Variants in TRIQK observed in about 807,000 individuals in gnomAD.
TRIQK encodes the protein triple QxxK/R motif containing.
In TRIQK, 10 loss-of-function variants were observed where a neutral mutation model predicts 10.8. The observed-to-expected ratio is 0.92, with a 90% CI of 0.57 to 1.57. The LOEUF is 1.57. Among genes scored for constraint, TRIQK ranks in the 40% most tolerant of loss-of-function variants. The pLI, the probability that TRIQK is intolerant of heterozygous loss-of-function variation, is 0.00. For missense variants in TRIQK, 107 were observed against 97.7 expected, an observed-to-expected ratio of 1.09 and a Z score of -0.40; for synonymous variants, 33 against 33.7, an observed-to-expected ratio of 0.98 and a Z score of 0.07.
At chr8:92,937,500 G>A (rs1811050969) in intron 2 of TRIQK, among the ~76,000 whole-genome samples, 1 of 150,992 alleles carries the variant, frequency 6.6e-6, no homozygotes. Flanking sequence ...TTTATTTAAT[G>A]TAATTAAATA....
At chr8:92,976,821 A>T (rs566765769) in intron 1 of TRIQK, among the ~76,000 whole-genome samples, 1 of 152,052 alleles carries the variant, frequency 6.6e-6, no homozygotes, top group Non-Finnish European at 1.5e-5. Flanking sequence ...TGTGGCTTAT[A>T]ATATAGCTGT....
chr8:92,989,556 C>T (rs1396305876), intron 1 of TRIQK, among the ~76,000 whole-genome samples: 1 of 152,158 alleles, frequency 6.6e-6, no homozygotes, highest in Non-Finnish European at 1.5e-5. Flanking sequence ...AATCTAATAC[C>T]TGATGATCCG....
intron 2 of TRIQK, among the ~76,000 whole-genome samples, chr8:92,939,662 G>A (rs1295492605): frequency 6.6e-6 from 1 of 152,100 alleles, no homozygotes; most frequent in Non-Finnish European, 1.5e-5. Flanking sequence ...CAAGCAGTGT[G>A]GCTCAACACA....
intron 3 of TRIQK, among the ~76,000 whole-genome samples, chr8:92,898,067 T>C (rs752312793): frequency 6.6e-4 from 100 of 152,160 alleles, no homozygotes; most frequent in Non-Finnish European, 1.3e-3. Context: ...TTTTATTCTT[T>C]GGTCAGTCTC....
intron 4 of TRIQK, among the ~76,000 whole-genome samples, chr8:92,887,855 A>G (rs1355848858): frequency 6.6e-6 from 1 of 151,724 alleles, no homozygotes; most frequent in Non-Finnish European, 1.5e-5. Context: ...TCATAATTAC[A>G]TTTATTTAGA....
chr8:92,903,673 G>T (rs1044385597), intron 3 of TRIQK, among the ~76,000 whole-genome samples: 4 of 152,054 alleles, frequency 2.6e-5, no homozygotes, highest in African/African-American at 9.6e-5. Flanking sequence ...TCCTGAAATT[G>T]CTAGATCTAT....
intron 2 of TRIQK, among the ~76,000 whole-genome samples, chr8:92,935,312 A>C (rs1301051576): frequency 6.6e-6 from 1 of 151,850 alleles, no homozygotes; most frequent in Non-Finnish European, 1.5e-5. Flanking sequence ...ACAAATATTA[A>C]AACACTTCAA....
chr8:92,989,911 T>C (rs1394876257), intron 1 of TRIQK, among the ~76,000 whole-genome samples: 2 of 151,044 alleles, frequency 1.3e-5, no homozygotes, highest in Non-Finnish European at 3.0e-5. Context: ...CTCATTTGTT[T>C]AAAAAAAAAT....
chr8:92,910,364 G>GA (rs1009241065), intron 3 of TRIQK, among the ~76,000 whole-genome samples: 1 of 146,314 alleles, frequency 6.8e-6, no homozygotes, highest in Non-Finnish European at 1.5e-5. Context: ...GAAAAGAAAA[G>GA]AAAAAAAAGG....
chr8:92,888,762 T>C (rs1171877452), intron 4 of TRIQK, among the ~76,000 whole-genome samples: 2 of 151,606 alleles, frequency 1.3e-5, no homozygotes, highest in African/African-American at 4.8e-5. Flanking sequence ...AGGATCTGGT[T>C]GGCACTTGAA....
At chr8:92,949,380 C>G (rs976012208) in intron 2 of TRIQK, among the ~76,000 whole-genome samples, 3 of 151,972 alleles carry the variant, frequency 2.0e-5, no homozygotes, top group African/African-American at 2.4e-5. Context: ...TCTCACATGG[C>G]TATGTTGTAA....
At chr8:92,967,022 A>T (rs932534242), upstream of TRIQK, among the ~76,000 whole-genome samples, 4 of 150,796 alleles carry the variant, frequency 2.7e-5, no homozygotes, top group Non-Finnish European at 4.4e-5. Context: ...GTATAAATAG[A>T]CTAACCAGAA....
chr8:92,920,566 A>T (rs1586426509), intron 2 of TRIQK, among the ~76,000 whole-genome samples: 1 of 151,674 alleles, frequency 6.6e-6, no homozygotes, highest in East Asian at 1.9e-4. Flanking sequence ...GACAAAGAGC[A>T]GATTAGGGGT....
In TRIQK at chr8:92,883,585, T is replaced by C. The variant is rs1250808798; in HGVS notation, c.*3037A>G. The C allele has an allele frequency of 1.3e-5, 2 of 151,738 alleles. No homozygotes were observed. The highest frequency in any genetic ancestry group is 4.8e-5 in the African/African-American group (2 of 41,472). 9.4% of individuals were successfully genotyped at this position (151,738 alleles called of 1,614,324 possible). On this transcript the variant is annotated 3_prime_UTR_variant, in exon 5 of 5. Transcript: ENST00000521988. ...TGATTAAATTCAAACTTTTTTATCATTTACACAAAGAAACTGTGACAGACT... is the reference window on the plus strand; with the variant it reads ...TGATTAAATTCAAACTTTTTTATCACTTACACAAAGAAACTGTGACAGACT...
chr8:92,921,714 A>C (rs1385589566), intron 2 of TRIQK: 1 of 151,874 alleles, frequency 6.6e-6, no homozygotes, highest in Non-Finnish European at 1.5e-5. Flanking sequence ...CATTTTTCGC[A>C]TTTATTTGTT....
chr8:92,911,357 A>T (rs1051663062), intron 3 of TRIQK, among the ~76,000 whole-genome samples: 25 of 151,380 alleles, frequency 1.7e-4, no homozygotes, highest in African/African-American at 5.8e-4. Context: ...CAAGCGAGGA[A>T]GAGAGGAACA....
intron 1 of TRIQK, among the ~76,000 whole-genome samples, chr8:93,015,589 G>A (rs1813377641): frequency 6.6e-6 from 1 of 151,506 alleles, no homozygotes; most frequent in African/African-American, 2.4e-5. Context: ...CCTCGCTTTT[G>A]CTGTTCAGGA....
At chr8:92,951,910 C>T (rs904071885) in intron 2 of TRIQK, among the ~76,000 whole-genome samples, 1 of 152,042 alleles carries the variant, frequency 6.6e-6, no homozygotes, top group Non-Finnish European at 1.5e-5. Context: ...AGTTCACAGT[C>T]CAAAAGCCAA....
In TRIQK at chr8:92,884,478, A is replaced by G. The variant is rs955020010; in HGVS notation, c.*2144T>C. 2 of 243,214 alleles carry G rather than the reference A, an allele frequency of 8.2e-6. No individual in the cohort carries two copies. The highest frequency in any genetic ancestry group is 1.6e-5 in the Non-Finnish European group (2 of 122,664). 15.1% of individuals were successfully genotyped at this position (243,214 alleles called of 1,614,324 possible). On this transcript the variant is annotated 3_prime_UTR_variant, in exon 5 of 5. Transcript: ENST00000521988. ...ATAAATCAATCAGTCATACGAATGG[A>G]CTAGCTGTAGACTCAGGATATCAAT...
Sources: allele counts gnomAD v4.1 joint callset (sites outside exome capture counted in the v4.1 genomes callset), GRCh38; gene constraint gnomAD v4.1.1; transcripts MANE v1.5; gene names NCBI Gene and HGNC (gene_info 2026-07-23, HGNC 2026-07-21).